Variants in PAX2 observed in about 807,000 individuals in gnomAD.
PAX2 encodes paired box protein Pax-2.
Under a neutral mutation model 41.7 loss-of-function variants are expected in PAX2, and 9 were observed. That is an observed-to-expected ratio of 0.22 (90% CI 0.13 to 0.38). The LOEUF is 0.38. PAX2 is among the 10% of genes least tolerant of loss of function. PAX2 has a pLI of 1.00. For synonymous variants in PAX2, 221 were observed against 212.7 expected (o/e 1.04, Z -0.34); for missense variants, 418 against 531.6 (o/e 0.79, Z 2.10).
At chr10:100,781,895 C>A (rs1302675465) in intron 5 of PAX2, among the ~76,000 whole-genome samples, 4 of 152,180 alleles carry the variant, frequency 2.6e-5, no homozygotes, top group Non-Finnish European at 5.9e-5. Context: ...ACTCCAAATC[C>A]CCTGGCCCTC....
intron 5 of PAX2, among the ~76,000 whole-genome samples, chr10:100,782,569 G>A (rs975886153): frequency 1.3e-5 from 2 of 152,224 alleles, no homozygotes; most frequent in Non-Finnish European, 2.9e-5. Flanking sequence ...CCAGCGGAAG[G>A]GACAGCGTGG....
At chr10:100,793,083 C>A (rs557087446) in intron 5 of PAX2, among the ~76,000 whole-genome samples, 1 of 152,356 alleles carries the variant, frequency 6.6e-6, no homozygotes, top group East Asian at 1.9e-4. Flanking sequence ...ACAAAGCCCC[C>A]TTTCCTCTTG....
chr10:100,767,188 A>T (rs1846059000), intron 3 of PAX2, among the ~76,000 whole-genome samples: 2 of 152,222 alleles, frequency 1.3e-5, no homozygotes, highest in Admixed American at 1.3e-4. Flanking sequence ...ACATGGGCAG[A>T]CACACACAGA....
intron 5 of PAX2, among the ~76,000 whole-genome samples, chr10:100,782,087 G>C (rs1032154209): frequency 1.3e-5 from 2 of 152,142 alleles, no homozygotes; most frequent in Admixed American, 1.3e-4. Context: ...GTGACCATCT[G>C]GTTCTCTTCT....
At chr10:100,788,262 C>G (rs570573700) in intron 5 of PAX2, among the ~76,000 whole-genome samples, 1 of 152,218 alleles carries the variant, frequency 6.6e-6, no homozygotes, top group African/African-American at 2.4e-5. Flanking sequence ...TGGCCGCCCG[C>G]GATCGCCTCC....
At position 100,828,108 on chromosome 10, in the gene PAX2, G is replaced by A. The variant is rs890554591; in HGVS notation, c.*489G>A. The A allele has an allele frequency of 1.7e-5, 4 of 231,840 alleles. No homozygotes were observed. Among genetic ancestry groups the A allele is most frequent in the African/African-American group, 6.7e-5 (3 of 44,976 alleles). The allele number at this position is 231,840 out of a possible 1,614,324, so 14.4% of individuals were successfully genotyped here. On this transcript the variant is annotated 3_prime_UTR_variant, in exon 10 of 10. Coordinates refer to ENST00000355243, the MANE Select transcript of PAX2 (RefSeq NM_000278.5). This position sits in a 1 kb window ranked among gnomAD's most constrained non-coding sequence, Gnocchi z 6.5. ...GCTTCGCTGGAGGGGCTGGGCCAAG[G>A]AGATTAAGAAGAAAACGACTTTCTG...
At chr10:100,761,613 A>G (rs1845847254) in intron 3 of PAX2, among the ~76,000 whole-genome samples, 2 of 152,226 alleles carry the variant, frequency 1.3e-5, no homozygotes, top group African/African-American at 4.8e-5. Flanking sequence ...TTTCACTTCT[A>G]ATTAAATTTG....
At chr10:100,822,938 A>C (rs567577583) in intron 7 of PAX2, among the ~76,000 whole-genome samples, 1 of 152,232 alleles carries the variant, frequency 6.6e-6, no homozygotes, top group South Asian at 2.1e-4. Flanking sequence ...GTGTGATGAA[A>C]GCAAAGTTTC....
rs116970329 is a variant in PAX2, at chr10:100,820,278, G to A, written c.920-4370G>A. Among the ~76,000 whole-genome samples, 55 of 152,264 alleles carry A rather than the reference G, an allele frequency of 3.6e-4. No individual in the cohort carries two copies. The East Asian group carries it at 9.2e-3, about 26-fold the overall frequency. ...GCTTCGTGTTATTAAAAGGCAGTGT[G>A]GTATAAACATGGCTTCAAATTTTGG... On this transcript the variant is annotated intron_variant, in intron 7 of 9. Coordinates refer to ENST00000355243, the MANE Select transcript of PAX2 (RefSeq NM_000278.5).
intron 7 of PAX2, among the ~76,000 whole-genome samples, chr10:100,810,076 C>T (rs117303036): frequency 0.012 from 1,812 of 151,718 alleles, 21 homozygotes; most frequent in Non-Finnish European, 0.017. Flanking sequence ...GCCAATGTGC[C>T]GTTTGTTCCT....
In PAX2 at chr10:100,779,509, C is replaced by A; in HGVS notation, c.422C>A (p.Thr141Asn). Residue 141 changes from threonine (T) to asparagine (N), a missense_variant, in exon 4 of 10, where the codon ACC becomes AAC. Physicochemically the swap from Thr to Asn is moderately conservative, Grantham distance 65. Coordinates refer to ENST00000355243, the MANE Select transcript of PAX2 (RefSeq NM_000278.5). Reference protein sequence around the residue: ...SVSSINRIIRTKVQQPFHPTP... With the variant: ...SVSSINRIIRNKVQQPFHPTP... ...TGACGCTGTTGCAGAATCATCCGGACCAAAGTTCAGCAGCCTTTCCACCCA... is the reference window on the plus strand; with the variant it reads ...TGACGCTGTTGCAGAATCATCCGGAACAAAGTTCAGCAGCCTTTCCACCCA... 6.3e-7 allele frequency: 1 copy of A among 1,593,946 alleles called. No individual in the cohort carries two copies. Among genetic ancestry groups the A allele is most frequent in the Non-Finnish European group, 8.5e-7 (1 of 1,170,388 alleles).
intron 6 of PAX2, 64 bp from the exon 7 acceptor site, chr10:100,809,046 C>A: frequency 6.5e-7 from 1 of 1,534,386 alleles, no homozygotes; most frequent in Non-Finnish European, 9.0e-7. Flanking sequence ...TCCCCATCTG[C>A]ACACCGAGCC....
chr10:100,783,184 C>T (rs1846703324), intron 5 of PAX2, among the ~76,000 whole-genome samples: 1 of 152,252 alleles, frequency 6.6e-6, no homozygotes, highest in South Asian at 2.1e-4. Context: ...TTCATTGTTT[C>T]TAATCAATTC....
chr10:100,744,256 C>T (rs1845065931), upstream of PAX2, among the ~76,000 whole-genome samples: 1 of 152,222 alleles, frequency 6.6e-6, no homozygotes, highest in African/African-American at 2.4e-5. Context: ...CGGATTCGGG[C>T]TGCAAGAGCG....
At chr10:100,803,264 C>CTTCTTCCCT (rs1388179698) in intron 5 of PAX2, among the ~76,000 whole-genome samples, 1 of 152,000 alleles carries the variant, frequency 6.6e-6, no homozygotes, top group Non-Finnish European at 1.5e-5. Context: ...GTGCGGAAGG[C>CTTCTTCCCT]TTCTTCCCTT....
At chr10:100,782,619 G>A (rs988946399) in intron 5 of PAX2, among the ~76,000 whole-genome samples, 9 of 152,388 alleles carry the variant, frequency 5.9e-5, no homozygotes, top group East Asian at 1.9e-4. Context: ...ATGACCTGGC[G>A]CTGGCCTCCT....
At position 100,826,719 on chromosome 10, in the gene PAX2, G is replaced by T. The variant is rs369550552; in HGVS notation, c.1022-290G>T. On this transcript the variant is annotated intron_variant, in intron 8 of 9. Transcript: ENST00000355243. This position sits in a 1 kb window ranked among gnomAD's most constrained non-coding sequence, Gnocchi z 5.5. ...GGACGCGCCCCAATACAAACCCTTCGTGGGTGGCCGCGAGCGCCTCCGCTG... is the reference window on the plus strand; with the variant it reads ...GGACGCGCCCCAATACAAACCCTTCTTGGGTGGCCGCGAGCGCCTCCGCTG... Among the ~76,000 whole-genome samples the T allele has an allele frequency of 1.6e-3, 238 of 152,282 alleles. 1 individual carries two copies. The highest frequency in any genetic ancestry group is 5.4e-3 in the African/African-American group (225 of 41,558).
upstream of PAX2, among the ~76,000 whole-genome samples, chr10:100,745,185 C>T (rs1283486254): frequency 6.6e-6 from 1 of 152,212 alleles, no homozygotes; most frequent in Non-Finnish European, 1.5e-5. Flanking sequence ...CTCCGAGGCC[C>T]TCTGTCGTTA....
chr10:100,751,890 C>A (rs1845457150), intron 3 of PAX2, among the ~76,000 whole-genome samples: 1 of 152,088 alleles, frequency 6.6e-6, no homozygotes, highest in South Asian at 2.1e-4. Context: ...TTTGAGACAC[C>A]CCAAAATGAA....
Sources: allele counts gnomAD v4.1 joint callset (sites outside exome capture counted in the v4.1 genomes callset), GRCh38; gene constraint gnomAD v4.1.1; non-coding constraint Gnocchi (gnomAD v3.1); transcripts MANE v1.5; gene names NCBI Gene and HGNC (gene_info 2026-07-23, HGNC 2026-07-21).